The following EPB41L4A variants were observed in gnomAD, a reference collection of about 807,000 sequenced individuals.
EPB41L4A encodes band 4.1-like protein 4A.
Under a neutral mutation model 108.6 loss-of-function variants are expected in EPB41L4A, and 100 were observed. The ratio of observed to expected loss-of-function variants is 0.92; its 90% CI spans 0.78 to 1.09. The LOEUF is 1.09. EPB41L4A is among the 50% of genes least tolerant of loss of function. The pLI, the probability that EPB41L4A is intolerant of heterozygous loss-of-function variation, is 0.00. For missense variants in EPB41L4A, 1,030 were observed against 842.7 expected, an observed-to-expected ratio of 1.22 and a Z score of -2.75; for synonymous variants, 319 against 289.0, an observed-to-expected ratio of 1.10 and a Z score of -1.05.
chr5:112,406,342 G>A (rs1762070746), intron 1 of EPB41L4A, among the ~76,000 whole-genome samples: 2 of 152,106 alleles, frequency 1.3e-5, no homozygotes, highest in Admixed American at 1.3e-4. Context: ...ATTTCCTGGA[G>A]AGATATGCAG....
chr5:112,393,963 A>T (rs1761145005), intron 1 of EPB41L4A, among the ~76,000 whole-genome samples: 1 of 152,224 alleles, frequency 6.6e-6, no homozygotes. Flanking sequence ...GTAATCCATC[A>T]CATAAACAAA....
chr5:112,209,767 T>C, intron 13 of EPB41L4A, 125 bp downstream of exon 13: 1 of 546,350 alleles, frequency 1.8e-6, no homozygotes, highest in Non-Finnish European at 3.2e-6. Flanking sequence ...AGAGATTTAT[T>C]GGATCCCATG....
chr5:112,270,741 C>T (rs1252034047), intron 4 of EPB41L4A, among the ~76,000 whole-genome samples: 1 of 152,062 alleles, frequency 6.6e-6, no homozygotes, highest in Non-Finnish European at 1.5e-5. Flanking sequence ...GAAGGTCACA[C>T]AGGAAGTGAG....
intron 1 of EPB41L4A, among the ~76,000 whole-genome samples, chr5:112,370,333 G>A (rs961943060): frequency 2.0e-5 from 3 of 151,268 alleles, no homozygotes; most frequent in Admixed American, 6.6e-5. Context: ...CACCACATAT[G>A]ACCAAATTAC....
chr5:112,341,729 T>C (rs1266823022), intron 1 of EPB41L4A, among the ~76,000 whole-genome samples: 1 of 150,824 alleles, frequency 6.6e-6, no homozygotes, highest in African/African-American at 2.4e-5. Flanking sequence ...CTGTGCAACA[T>C]GGCAAAACCC....
chr5:112,173,978 A>C (rs1182357490), intron 18 of EPB41L4A, among the ~76,000 whole-genome samples: 1 of 152,116 alleles, frequency 6.6e-6, no homozygotes, highest in African/African-American at 2.4e-5. Flanking sequence ...AGATCATCAG[A>C]CCTTCTAGCC....
rs377132580 is a variant in EPB41L4A at position 112,204,494 on chromosome 5, G to A, written c.1263-6C>T. 3.5e-5 allele frequency: 56 copies of A among 1,596,140 alleles called. No homozygotes were observed. The African/African-American group carries it at 6.3e-4, about 18-fold the overall frequency. On this transcript the variant is annotated splice_region_variant and splice_polypyrimidine_tract_variant and intron_variant, in intron 14 of 22. Transcript: ENST00000261486. ...TGGGAGAATTGTAGAGTCCACTGGA[G>A]AGAAAGAAAAATGGTCAAAAAGAGC...
intron 2 of EPB41L4A, 148 bp from the exon 3 acceptor site, chr5:112,280,471 A>T: frequency 1.4e-6 from 1 of 708,386 alleles, no homozygotes; most frequent in South Asian, 1.6e-5. Context: ...AACATACATA[A>T]GAGTTTTCTG....
At chr5:112,170,885 T>C in intron 19 of EPB41L4A, 60 bp downstream of exon 19, 7 of 1,481,780 alleles carry the variant, frequency 4.7e-6, no homozygotes, top group Non-Finnish European at 6.6e-6. Context: ...GGAGTCTTCC[T>C]TGCAATTGCA....
chr5:112,216,598 T>C (rs1747662462), intron 12 of EPB41L4A, among the ~76,000 whole-genome samples: 1 of 152,190 alleles, frequency 6.6e-6, no homozygotes, highest in Admixed American at 6.5e-5. Context: ...TCACATTTTC[T>C]TCCCTTAACA....
intron 9 of EPB41L4A, among the ~76,000 whole-genome samples, chr5:112,251,807 C>T (rs1227401596): frequency 6.6e-6 from 1 of 152,002 alleles, no homozygotes. Flanking sequence ...AACAATAAAC[C>T]TCAGTAGATT....
At chr5:112,144,542 GATGGGATTACAAGT>G (rs370544780) in intron 13 of EPB41L4A, among the ~76,000 whole-genome samples, 40 of 152,316 alleles carry the variant, frequency 2.6e-4, no homozygotes, top group Middle Eastern at 3.4e-3. Flanking sequence ...TTCTTAAACT[GATGGGATTACAAGT>G]ATGAGCCACC....
intron 18 of EPB41L4A, among the ~76,000 whole-genome samples, chr5:112,174,279 T>TGCA (rs1236099953): frequency 2.6e-5 from 4 of 152,254 alleles, no homozygotes; most frequent in Non-Finnish European, 4.4e-5. Context: ...ATTCATGATC[T>TGCA]GCAGCTCAGT....
In EPB41L4A at chr5:112,259,962, C is replaced by T. The variant is rs745918922; in HGVS notation, c.660G>A (p.Glu220=). Residue 220 remains glutamate (E), a synonymous_variant, in exon 8 of 23, where the codon GAG becomes GAA. Coordinates refer to ENST00000261486, the MANE Select transcript of EPB41L4A (RefSeq NM_022140.5). ...CAACCGGAGTTAATCCTAAGAAATA[C>T]TCAGACTTGTTTTCTCCCTGCAAAA... ...LHPVYGENKS[E]YFLGLTPVGV... is the part of the protein sequence containing the mutation. 6.2e-7 allele frequency: 1 copy of T among 1,613,942 alleles called. No homozygotes were observed. The highest frequency in any genetic ancestry group is 8.5e-7 in the Non-Finnish European group (1 of 1,179,814).
intron 12 of EPB41L4A, among the ~76,000 whole-genome samples, chr5:112,218,958 C>T (rs1747841178): frequency 6.6e-6 from 1 of 152,120 alleles, no homozygotes; most frequent in South Asian, 2.1e-4. Flanking sequence ...TCATGACTCC[C>T]TTAAACATAT....
chr5:112,205,298 T>C, intron 14 of EPB41L4A, 123 bp downstream of exon 14: 5 of 835,104 alleles, frequency 6.0e-6, no homozygotes, highest in Non-Finnish European at 1.1e-5. Context: ...ATTTAGAGTC[T>C]GCCCACTTTA....
chr5:112,146,173 T>C (rs1580316414), intron 12 of EPB41L4A, among the ~76,000 whole-genome samples: 1 of 152,332 alleles, frequency 6.6e-6, no homozygotes, highest in African/African-American at 2.4e-5. Context: ...TCCCCCTTTT[T>C]AGAAATGTCA....
At chr5:112,305,227 T>C (rs1754609762) in intron 2 of EPB41L4A, among the ~76,000 whole-genome samples, 1 of 152,124 alleles carries the variant, frequency 6.6e-6, no homozygotes, top group South Asian at 2.1e-4. Flanking sequence ...AAGATAATAA[T>C]ACTTTAGAGA....
intron 17 of EPB41L4A, among the ~76,000 whole-genome samples, chr5:112,193,191 T>C (rs1407076584): frequency 1.3e-5 from 2 of 152,260 alleles, no homozygotes; most frequent in Non-Finnish European, 2.9e-5. Flanking sequence ...ACAGGCTTTG[T>C]AGTTAGAGGA....
Sources: gnomAD v4.1 joint callset for allele counts (sites outside exome capture counted in the v4.1 genomes callset) on GRCh38, gnomAD v4.1.1 for gene constraint, MANE v1.5 for transcripts, NCBI Gene and HGNC (gene_info 2026-07-23, HGNC 2026-07-21) for gene names.